MCPH1: variants seen among roughly 807,000 people sequenced by gnomAD.
The protein encoded by MCPH1 is microcephalin.
MCPH1 carries 104 observed loss-of-function variants against 84.5 expected under a neutral mutation model. The observed-to-expected ratio is 1.23, with a 90% CI of 1.05 to 1.45. The LOEUF (loss-of-function observed/expected upper bound fraction) is 1.45. Among genes scored for constraint, MCPH1 ranks in the 40% most tolerant of loss-of-function variants. The pLI, the probability that MCPH1 is intolerant of heterozygous loss-of-function variation, is 0.00. For missense variants in MCPH1, 1,498 were observed against 1,005.7 expected (o/e 1.49, Z -6.62); for synonymous variants, 514 against 366.8 (o/e 1.40, Z -4.58).
At chr8:6,625,171 G>T in intron 13 of MCPH1, 1 of 985,302 alleles carries the variant, frequency 1.0e-6, no homozygotes, top group Non-Finnish European at 1.2e-6. Flanking sequence ...CACCGTGCCT[G>T]GCCGAAATCA....
At chr8:6,426,976 T>G (rs1801149456) in intron 3 of MCPH1, among the ~76,000 whole-genome samples, 1 of 152,226 alleles carries the variant, frequency 6.6e-6, no homozygotes, top group Non-Finnish European at 1.5e-5. Context: ...GATTTTGTTG[T>G]TGTGGAGACA....
At chr8:6,566,829 TGA>T (rs1457443677) in intron 12 of MCPH1, among the ~76,000 whole-genome samples, 5 of 121,440 alleles carry the variant, frequency 4.1e-5, no homozygotes, top group African/African-American at 9.6e-5. Context: ...CCATGGATAG[TGA>T]GTGCACACGG....
chr8:6,598,205 C>T (rs897853258), intron 12 of MCPH1, among the ~76,000 whole-genome samples: 15 of 152,106 alleles, frequency 9.9e-5, no homozygotes, highest in African/African-American at 2.9e-4. Flanking sequence ...ACTCCGTGTA[C>T]CTGGGAAATA....
At chr8:6,619,127 C>T (rs1156401002) in intron 12 of MCPH1, 1 of 151,740 alleles carries the variant, frequency 6.6e-6, no homozygotes, top group Non-Finnish European at 1.5e-5. Context: ...TTAGCTCAGA[C>T]CCATCCTGGG....
At chr8:6,526,808 A>G (rs1007151411) in intron 12 of MCPH1, among the ~76,000 whole-genome samples, 3 of 152,232 alleles carry the variant, frequency 2.0e-5, no homozygotes, top group South Asian at 4.1e-4. Context: ...CACACCAGGT[A>G]TGTGCATAAA....
chr8:6,458,171 G>C (rs1363326283), intron 9 of MCPH1, among the ~76,000 whole-genome samples: 3 of 152,072 alleles, frequency 2.0e-5, no homozygotes, highest in Non-Finnish European at 4.4e-5. Flanking sequence ...AAAGACCAAG[G>C]CTTAAAGTCC....
chr8:6,640,105 CGTGTGTGT>C (rs139021455), intron 13 of MCPH1, among the ~76,000 whole-genome samples: 159 of 133,618 alleles, frequency 1.2e-3, no homozygotes, highest in African/African-American at 4.2e-3. Context: ...TGTGCGCGCG[CGTGTGTGT>C]GTGTGTGCGT....
At chr8:6,621,252 GC>G in intron 12 of MCPH1, 1 of 640,482 alleles carries the variant, frequency 1.6e-6, no homozygotes, top group South Asian at 2.0e-5. Context: ...TTTACGCATG[GC>G]TACTTCAGAA....
At chr8:6,626,178 C>T (rs188862971) in intron 13 of MCPH1, 8 of 985,342 alleles carry the variant, frequency 8.1e-6, no homozygotes, top group Admixed American at 6.1e-5. Context: ...ACCCTCAGCT[C>T]GCCCGCCACC....
Position 6,406,779 on chromosome 8 carries a change from G to A in MCPH1, c.22+90G>A, listed in dbSNP as rs1489693924. The A allele has an allele frequency of 4.8e-6, 7 of 1,454,950 alleles. No individual in the cohort carries two copies. The African/African-American group carries it at 9.7e-5, about 20-fold the overall frequency. 90.1% of individuals were successfully genotyped at this position (1,454,950 alleles called of 1,614,324 possible). On this transcript the variant is annotated intron_variant, in intron 1 of 13. Coordinates refer to ENST00000344683, the MANE Select transcript of MCPH1 (RefSeq NM_024596.5). ...GCGCACTCGGGGGATCCCGTGGGAG[G>A]AGCCCCGCTCGCCCCTCCCTCGCTG...
At chr8:6,431,670 GA>G in intron 4 of MCPH1, 84 bp downstream of exon 4, 2 of 925,444 alleles carry the variant, frequency 2.2e-6, no homozygotes, top group Non-Finnish European at 3.4e-6. Flanking sequence ...AAAACTTCTA[GA>G]AATATATTCA....
chr8:6,572,399 C>G (rs1481520726), intron 12 of MCPH1, among the ~76,000 whole-genome samples: 1 of 152,174 alleles, frequency 6.6e-6, no homozygotes, highest in South Asian at 2.1e-4. Context: ...GTAATACTCA[C>G]TAGCTCCCTC....
At chr8:6,591,030 C>G (rs922956264) in intron 12 of MCPH1, among the ~76,000 whole-genome samples, 1 of 152,240 alleles carries the variant, frequency 6.6e-6, no homozygotes, top group Non-Finnish European at 1.5e-5. Context: ...TCCCGAGTAG[C>G]TGGGATTGCA....
intron 12 of MCPH1, among the ~76,000 whole-genome samples, chr8:6,506,837 G>C (rs1813822768): frequency 6.7e-6 from 1 of 149,872 alleles, no homozygotes; most frequent in Non-Finnish European, 1.5e-5. Context: ...GAAATTTAAA[G>C]ACATGAAAAT....
At chr8:6,464,667 C>T (rs147968553) in intron 9 of MCPH1, among the ~76,000 whole-genome samples, 53 of 152,246 alleles carry the variant, frequency 3.5e-4, no homozygotes, top group African/African-American at 1.1e-3. Context: ...GACCCACAGG[C>T]GCTAAGAGAG....
intron 13 of MCPH1, among the ~76,000 whole-genome samples, chr8:6,628,586 A>G (rs745506516): frequency 6.6e-6 from 1 of 151,632 alleles, no homozygotes; most frequent in Non-Finnish European, 1.5e-5. Flanking sequence ...GCAACATTTT[A>G]TGTGTATTAG....
intron 12 of MCPH1, chr8:6,532,416 C>G (rs1415194719): frequency 1.2e-6 from 2 of 1,614,120 alleles, no homozygotes; most frequent in South Asian, 2.2e-5. Flanking sequence ...TCACAGCCGT[C>G]TGGTTCTGTA....
intron 9 of MCPH1, chr8:6,473,986 G>A (rs909828986): frequency 3.0e-6 from 3 of 1,015,582 alleles, no homozygotes; most frequent in Non-Finnish European, 4.6e-6. Context: ...AAAGAACTTG[G>A]AAAATCTCAC....
intron 13 of MCPH1, chr8:6,626,308 G>GC (rs1198098839): frequency 1.0e-6 from 1 of 985,094 alleles, no homozygotes; most frequent in Non-Finnish European, 1.2e-6. Flanking sequence ...AATTTCATCT[G>GC]CGCCGCGTTG....
Sources: gnomAD v4.1 joint callset for allele counts (sites outside exome capture counted in the v4.1 genomes callset) on GRCh38, gnomAD v4.1.1 for gene constraint, MANE v1.5 for transcripts, NCBI Gene and HGNC (gene_info 2026-07-23, HGNC 2026-07-21) for gene names.